The following PIK3CG variants were observed in gnomAD, a reference collection of about 807,000 sequenced individuals.
PIK3CG encodes phosphatidylinositol 4,5-bisphosphate 3-kinase catalytic subunit gamma isoform.
In PIK3CG, 55 loss-of-function variants were observed where a neutral mutation model predicts 102.3. The observed-to-expected ratio is 0.54, with a 90% CI of 0.43 to 0.67. PIK3CG has a LOEUF of 0.67. Ranked by LOEUF, PIK3CG falls within the 30% of genes least tolerant of loss-of-function variation. PIK3CG has a pLI of 0.00. For missense variants in PIK3CG, 1,258 were observed against 1,391.8 expected, an observed-to-expected ratio of 0.90 and a Z score of 1.53; for synonymous variants, 552 against 540.0, an observed-to-expected ratio of 1.02 and a Z score of -0.31.
rs1191287143 is a variant in PIK3CG at position 106,867,710 on chromosome 7, A to G, written c.149A>G (p.Lys50Arg). 3.1e-6 allele frequency: 5 copies of G among 1,613,182 alleles called. No individual in the cohort carries two copies. Among genetic ancestry groups the G allele is most frequent in the Non-Finnish European group, 4.2e-6 (5 of 1,179,916 alleles). Residue 50 changes from lysine to arginine, a missense_variant, in exon 2 of 11, where the codon AAA becomes AGA. Coordinates refer to ENST00000496166, the MANE Select transcript of PIK3CG (RefSeq NM_001282426.2). This position sits in a 1 kb window ranked among gnomAD's most constrained non-coding sequence, Gnocchi z 5.1. Reference sequence around the variant, plus strand: ...TTCGTGCTGCCCACCAGCCAGCGCAAATGCAAGAGCCCCGAAACGGCGCTG... The same window carrying G: ...TTCGTGCTGCCCACCAGCCAGCGCAGATGCAAGAGCCCCGAAACGGCGCTG... ...IEFVLPTSQR[K>R]CKSPETALLH...
rs543744367 is a variant in PIK3CG at position 106,869,841 on chromosome 7, G to C, written c.1995+285G>C. On this transcript the variant is annotated intron_variant, in intron 2 of 10. Coordinates refer to ENST00000496166, the MANE Select transcript of PIK3CG (RefSeq NM_001282426.2). The surrounding 1 kb of genome is among the most constrained non-coding windows in gnomAD (Gnocchi z 5.3). The stretch of plus-strand genomic sequence containing the variant: ...GTTCTCATTTATTATTTTAATGATA[G>C]ATTGCACTTACTGAATGCTTTCTTG... Among the ~76,000 whole-genome samples, 32 of 152,180 alleles carry C rather than the reference G, an allele frequency of 2.1e-4. No homozygotes were observed. Among genetic ancestry groups the C allele is most frequent in the Non-Finnish European group, 3.8e-4 (26 of 68,034 alleles).
At chr7:106,886,661 C>G (rs1446790026) in intron 10 of PIK3CG, among the ~76,000 whole-genome samples, 2 of 152,146 alleles carry the variant, frequency 1.3e-5, no homozygotes, top group Non-Finnish European at 2.9e-5. Flanking sequence ...CTAGAAGACT[C>G]AAATTTTACA....
At chr7:106,888,514 G>A (rs147093604) in intron 10 of PIK3CG, among the ~76,000 whole-genome samples, 6 of 152,288 alleles carry the variant, frequency 3.9e-5, no homozygotes, top group Admixed American at 6.5e-5. Flanking sequence ...AAACCTTTGC[G>A]GTGAGGCTTT....
chr7:106,882,359 A>T (rs1790966448), intron 7 of PIK3CG, 152 bp downstream of exon 7: 1 of 397,336 alleles, frequency 2.5e-6, no homozygotes, highest in African/African-American at 2.1e-5. Context: ...TGTGACTCTC[A>T]ATTTAATGTG....
Position 106,867,783 on chromosome 7 carries a change from GTGGCTGCGAGCGCTGGAGACC to G in PIK3CG, c.223_243del (p.Trp75_Thr81del), listed in dbSNP as rs1324882649. 6.2e-7 allele frequency: 1 copy of G among 1,612,798 alleles called. No individual in the cohort carries two copies. Among genetic ancestry groups the G allele is most frequent in the Non-Finnish European group, 8.5e-7 (1 of 1,179,916 alleles). ...ACGTGGAGCAGATGAAGGCCCAGGT[GTGGCTGCGAGCGCTGGAGACC>G]AGCGTGGCGGCGGACTTCTACCACC... On this transcript the variant is annotated inframe_deletion, in exon 2 of 11. Coordinates refer to ENST00000496166, the MANE Select transcript of PIK3CG (RefSeq NM_001282426.2). This position sits in a 1 kb window ranked among gnomAD's most constrained non-coding sequence, Gnocchi z 5.1.
At position 106,880,390 on chromosome 7, in the gene PIK3CG, G is replaced by T. The variant is rs1277841802; in HGVS notation, c.2538+725G>T. 6.6e-6 allele frequency among the ~76,000 whole-genome samples: 1 copy of T among 152,042 alleles called. No individual in the cohort carries two copies. The highest frequency in any genetic ancestry group is 6.6e-5 in the Admixed American group (1 of 15,252). On this transcript the variant is annotated intron_variant, in intron 6 of 10. Transcript: ENST00000496166. This position sits in a 1 kb window ranked among gnomAD's most constrained non-coding sequence, Gnocchi z 4.2. ...AAACTGGTCATGTTTCCAATTGTAAGTTTCTGTTTTTACTTATTTCTAATA... is the reference window on the plus strand; with the variant it reads ...AAACTGGTCATGTTTCCAATTGTAATTTTCTGTTTTTACTTATTTCTAATA...
rs1156958134 is a variant in PIK3CG, at chr7:106,903,808, G to T, written c.3031-1301G>T. ...GAGTCTCACTCTGTTGCCTACTTTG[G>T]AGTGCAGTGGAGTGATCTCAGCTCA... On this transcript the variant is annotated intron_variant, in intron 10 of 10. Transcript: ENST00000496166. The surrounding 1 kb of genome is among the most constrained non-coding windows in gnomAD (Gnocchi z 4.3). Among the ~76,000 whole-genome samples, 1 of 150,696 alleles carries T rather than the reference G, an allele frequency of 6.6e-6. No homozygotes were observed. The highest frequency in any genetic ancestry group is 2.4e-5 in the African/African-American group (1 of 40,900).
Position 106,907,388 on chromosome 7 carries a change from C to A in PIK3CG, c.*2001C>A, listed in dbSNP as rs1242064702. On this transcript the variant is annotated 3_prime_UTR_variant, in exon 11 of 11. Coordinates refer to ENST00000496166, the MANE Select transcript of PIK3CG (RefSeq NM_001282426.2). ...CCTGTCCTTTTAAAATCACACTCTA[C>A]CCACCTGTACAGAAGACCATGCCCT... Among the ~76,000 whole-genome samples the A allele has an allele frequency of 6.6e-6, 1 of 152,126 alleles. No homozygotes were observed. The highest frequency in any genetic ancestry group is 1.5e-5 in the Non-Finnish European group (1 of 68,028).
intron 10 of PIK3CG, among the ~76,000 whole-genome samples, chr7:106,888,192 G>A (rs1188063463): frequency 6.6e-6 from 1 of 151,892 alleles, no homozygotes; most frequent in Non-Finnish European, 1.5e-5. Flanking sequence ...GCCTGCCTCG[G>A]CCTCCCAAAG....
At chr7:106,885,784 C>A (rs913885880) in intron 9 of PIK3CG, among the ~76,000 whole-genome samples, 2 of 152,094 alleles carry the variant, frequency 1.3e-5, no homozygotes, top group African/African-American at 4.8e-5. Context: ...AAACATCAGT[C>A]TATCCTGAGT....
At chr7:106,898,125 A>G (rs1791455489) in intron 10 of PIK3CG, among the ~76,000 whole-genome samples, 1 of 152,128 alleles carries the variant, frequency 6.6e-6, no homozygotes, top group Non-Finnish European at 1.5e-5. Context: ...GCATTTCTCT[A>G]ATGATCAATG....
chr7:106,867,814 G>C lies in PIK3CG; in HGVS notation c.253G>C (p.Ala85Pro), dbSNP rs928194932. ...GCGAGCGCTGGAGACCAGCGTGGCG[G>C]CGGACTTCTACCACCGGCTGGGACC... ...WLRALETSVA[A>P]DFYHRLGPHH... Residue 85 changes from alanine (A) to proline (P), a missense_variant, in exon 2 of 11, where the codon GCG becomes CCG. This residue lies in a region of PIK3CG where 832 missense variants were observed against 787.5 expected (regional missense o/e 1.06). Transcript: ENST00000496166. The surrounding 1 kb of genome is among the most constrained non-coding windows in gnomAD (Gnocchi z 5.1). The C allele has an allele frequency of 6.2e-7, 1 of 1,612,468 alleles. No homozygotes were observed. The highest frequency in any genetic ancestry group is 1.3e-5 in the African/African-American group (1 of 75,064).
In PIK3CG at chr7:106,905,041, C is replaced by G. The variant is rs1791652539; in HGVS notation, c.3031-68C>G. 1 of 1,385,020 alleles carries G rather than the reference C, an allele frequency of 7.2e-7. No homozygotes were observed. The highest frequency in any genetic ancestry group is 1.0e-6 in the Non-Finnish European group (1 of 993,366). The allele number at this position is 1,385,020 out of a possible 1,614,324, so 85.8% of individuals were successfully genotyped here. A position where few individuals can be genotyped will look rare whatever the true frequency, so the allele number is the denominator to read the frequency against. On this transcript the variant is annotated intron_variant, in intron 10 of 10. Coordinates refer to ENST00000496166, the MANE Select transcript of PIK3CG (RefSeq NM_001282426.2). This position sits in a 1 kb window ranked among gnomAD's most constrained non-coding sequence, Gnocchi z 5.6. ...ACTCTATGTACATTTCAGTACATCCCTGTAATCTTCAGCCTACTTGTTAGT... is the reference window on the plus strand; with the variant it reads ...ACTCTATGTACATTTCAGTACATCCGTGTAATCTTCAGCCTACTTGTTAGT...
intron 2 of PIK3CG, among the ~76,000 whole-genome samples, chr7:106,870,116 T>A (rs542197815): frequency 6.6e-6 from 1 of 152,336 alleles, no homozygotes; most frequent in South Asian, 2.1e-4. Flanking sequence ...CACCATATCC[T>A]TCATCAGTCT....
chr7:106,870,783 A>G (rs1301421186), intron 2 of PIK3CG, among the ~76,000 whole-genome samples: 1 of 152,210 alleles, frequency 6.6e-6, no homozygotes, highest in African/African-American at 2.4e-5. Context: ...TAAACTCTCA[A>G]TCTTCACCTT....
At chr7:106,882,435 T>C (rs1216911752) in intron 7 of PIK3CG, 3 of 323,442 alleles carry the variant, frequency 9.3e-6, no homozygotes, top group African/African-American at 6.4e-5. Context: ...ATGATTTTAG[T>C]AAGAACTTGT....
rs2116457342 is a variant in PIK3CG, at chr7:106,869,082, C to T, written c.1521C>T (p.Asn507=). Residue 507 remains asparagine, a synonymous_variant, in exon 2 of 11, where the codon AAC becomes AAT. Transcript: ENST00000496166. The surrounding 1 kb of genome is among the most constrained non-coding windows in gnomAD (Gnocchi z 5.3). ...CTGACAAACTCACGTCTGCAACTAA[C>T]CCAGACAAGGAGAACTCAATGTCCA... ...FNADKLTSAT[N]PDKENSMSIS... 4 of 1,614,182 alleles carry T rather than the reference C, an allele frequency of 2.5e-6. No individual in the cohort carries two copies. Among genetic ancestry groups the T allele is most frequent in the South Asian group, 1.1e-5 (1 of 91,082 alleles).
At chr7:106,882,767 T>C (rs984164055) in intron 7 of PIK3CG, 6 of 322,798 alleles carry the variant, frequency 1.9e-5, no homozygotes, top group Admixed American at 4.6e-5. Flanking sequence ...ATATAAATGC[T>C]TTTATTTATT....
At chr7:106,898,164 G>C (rs555410366) in intron 10 of PIK3CG, among the ~76,000 whole-genome samples, 27 of 152,098 alleles carry the variant, frequency 1.8e-4, no homozygotes, top group Non-Finnish European at 3.4e-4. Flanking sequence ...ATGCTTATTG[G>C]CTGCATGTAT....
Sources: gnomAD v4.1 joint callset for allele counts (sites outside exome capture counted in the v4.1 genomes callset) on GRCh38, gnomAD v4.1.1 for gene constraint, gnomAD v4.1.1 regional missense constraint, Gnocchi (gnomAD v3.1) non-coding constraint, MANE v1.5 for transcripts, NCBI Gene and HGNC (gene_info 2026-07-23, HGNC 2026-07-21) for gene names.